DLG2: variants seen among roughly 807,000 people sequenced by gnomAD.
DLG2 encodes the protein discs large MAGUK scaffold protein 2, also known as disks large homolog 2.
Under a neutral mutation model 132.5 loss-of-function variants are expected in DLG2, and 45 were observed. The ratio of observed to expected loss-of-function variants is 0.34; its 90% CI spans 0.27 to 0.44. The LOEUF is 0.44. Among genes scored for constraint, DLG2 ranks in the 20% least tolerant of loss-of-function variants. The pLI is 1.00. For missense variants in DLG2, 1,045 were observed against 1,196.9 expected, an observed-to-expected ratio of 0.87 and a Z score of 1.87; for synonymous variants, 424 against 419.6, an observed-to-expected ratio of 1.01 and a Z score of -0.13.
chr11:83,800,243 T>C (rs954356597), intron 17 of DLG2, among the ~76,000 whole-genome samples: 1 of 152,148 alleles, frequency 6.6e-6, no homozygotes, highest in African/African-American at 2.4e-5. Flanking sequence ...AGCCCCTTCA[T>C]CTCTCTGGGC....
intron 16 of DLG2, among the ~76,000 whole-genome samples, chr11:83,837,723 CAAAAAA>C (rs386374350): frequency 1.7e-4 from 8 of 45,946 alleles, no homozygotes; most frequent in African/African-American, 2.9e-4. Context: ...ACATAGCAAG[CAAAAAA>C]AAAAAAAAAA....
chr11:85,073,745 A>G (rs2066170370), intron 6 of DLG2, among the ~76,000 whole-genome samples: 1 of 151,894 alleles, frequency 6.6e-6, no homozygotes, highest in African/African-American at 2.4e-5. Context: ...CAATCCCACT[A>G]TTGGGCATAT....
At chr11:84,159,286 C>T (rs568785156) in intron 9 of DLG2, among the ~76,000 whole-genome samples, 46 of 152,118 alleles carry the variant, frequency 3.0e-4, no homozygotes, top group South Asian at 1.2e-3. Flanking sequence ...AAATAATATA[C>T]ATTTCAGATA....
At chr11:85,254,816 T>C (rs535829062) in intron 4 of DLG2, among the ~76,000 whole-genome samples, 1 of 152,072 alleles carries the variant, frequency 6.6e-6, no homozygotes, top group African/African-American at 2.4e-5. Context: ...CTGGCTAACA[T>C]GGTGAAACCC....
At chr11:84,962,715 AGTCATCT>A (rs2154109793) in intron 6 of DLG2, among the ~76,000 whole-genome samples, 1 of 152,334 alleles carries the variant, frequency 6.6e-6, no homozygotes, top group African/African-American at 2.4e-5. Flanking sequence ...AATATCTTAG[AGTCATCT>A]GTTTCAACAC....
chr11:85,173,853 C>A (rs1383715757), intron 4 of DLG2, among the ~76,000 whole-genome samples: 2 of 151,962 alleles, frequency 1.3e-5, no homozygotes, highest in East Asian at 3.9e-4. Context: ...TTTAAACCAA[C>A]AAAGATCAAA....
intron 6 of DLG2, among the ~76,000 whole-genome samples, chr11:84,713,177 G>A (rs996888504): frequency 9.9e-5 from 15 of 152,064 alleles, no homozygotes; most frequent in Non-Finnish European, 1.8e-4. Context: ...CTATTTGAAA[G>A]AGTACAAAAT....
chr11:85,130,127 G>C (rs2075554856), intron 5 of DLG2, among the ~76,000 whole-genome samples: 1 of 152,110 alleles, frequency 6.6e-6, no homozygotes, highest in African/African-American at 2.4e-5. Flanking sequence ...GATGGGTGTA[G>C]CAAACCACCA....
intron 19 of DLG2, among the ~76,000 whole-genome samples, chr11:83,560,510 G>A (rs977353500): frequency 2.0e-5 from 3 of 151,882 alleles, no homozygotes; most frequent in African/African-American, 4.8e-5. Context: ...GTTAATGTGA[G>A]CTTGTGTTGG....
chr11:85,449,406 ATTTTC>A (rs1173648639), intron 3 of DLG2, among the ~76,000 whole-genome samples: 1 of 151,608 alleles, frequency 6.6e-6, no homozygotes, highest in Admixed American at 6.6e-5. Flanking sequence ...TTAATTTATA[ATTTTC>A]TTTTGTATAA....
intron 7 of DLG2, among the ~76,000 whole-genome samples, chr11:84,298,705 G>C (rs888632403): frequency 6.6e-6 from 1 of 152,118 alleles, no homozygotes; most frequent in Non-Finnish European, 1.5e-5. Flanking sequence ...CCTCAAATAA[G>C]ATAACATTAG....
chr11:85,117,216 G>A (rs2073736728), intron 5 of DLG2, among the ~76,000 whole-genome samples: 1 of 151,992 alleles, frequency 6.6e-6, no homozygotes, highest in Admixed American at 6.6e-5. Context: ...CACATCATAG[G>A]AGATTTAGGC....
At chr11:85,301,105 G>T (rs534970168) in intron 3 of DLG2, among the ~76,000 whole-genome samples, 217 of 152,246 alleles carry the variant, frequency 1.4e-3, no homozygotes, top group Middle Eastern at 3.4e-3. Context: ...GCAGGCTAAG[G>T]TAGGAGACTT....
At position 84,928,336 on chromosome 11, in the gene DLG2, T is replaced by C. The variant is rs547918200; in HGVS notation, c.357+183325A>G. Reference sequence around the variant, plus strand: ...CTTGCACTTGCCAGCTGTGTGACCTTGGGTAAGTTACATAACTTCTCTCTG... The same window carrying C: ...CTTGCACTTGCCAGCTGTGTGACCTCGGGTAAGTTACATAACTTCTCTCTG... On this transcript the variant is annotated intron_variant, in intron 6 of 27. Coordinates refer to ENST00000376104, the MANE Select transcript of DLG2 (RefSeq NM_001142699.3). Among the ~76,000 whole-genome samples, 6 of 152,074 alleles carry C rather than the reference T, an allele frequency of 3.9e-5. No homozygotes were observed. The South Asian group carries it at 1.0e-3, about 26-fold the overall frequency.
chr11:83,651,458 T>C (rs1378023914), intron 18 of DLG2: 1 of 165,622 alleles, frequency 6.0e-6, no homozygotes, highest in Non-Finnish European at 1.3e-5. Flanking sequence ...CCCATTCTCT[T>C]CACAATAAAT....
rs767679311 is a variant in DLG2, at chr11:84,098,319, G to A, written c.749+604C>T. The stretch of plus-strand genomic sequence containing the variant: ...CTCTCAAAGTGCTGGGATTATAGGC[G>A]TGAGCCACTGAGCCAGGCCATCCTG... On this transcript the variant is annotated intron_variant, in intron 10 of 27. Transcript: ENST00000376104. Among the ~76,000 whole-genome samples, 10 of 152,106 alleles carry A rather than the reference G, an allele frequency of 6.6e-5. No individual in the cohort carries two copies. The South Asian group carries it at 8.3e-4, about 13-fold the overall frequency.
intron 6 of DLG2, among the ~76,000 whole-genome samples, chr11:84,843,651 A>C (rs2080996185): frequency 6.6e-6 from 1 of 151,898 alleles, no homozygotes. Flanking sequence ...ACATCCTCTC[A>C]TATACTTTAA....
At chr11:85,533,094 GCTCA>G (rs2075327618) in intron 3 of DLG2, among the ~76,000 whole-genome samples, 1 of 152,128 alleles carries the variant, frequency 6.6e-6, no homozygotes, top group African/African-American at 2.4e-5. Context: ...CATGATCTCA[GCTCA>G]CTGCAACCTC....
intron 7 of DLG2, among the ~76,000 whole-genome samples, chr11:84,300,479 A>G: frequency 6.6e-6 from 1 of 152,232 alleles, no homozygotes; most frequent in Non-Finnish European, 1.5e-5. Flanking sequence ...ACCCTGCTAT[A>G]TTTAGGATAG....
Sources: allele counts gnomAD v4.1 joint callset (sites outside exome capture counted in the v4.1 genomes callset), GRCh38; gene constraint gnomAD v4.1.1; transcripts MANE v1.5; gene names NCBI Gene and HGNC (gene_info 2026-07-23, HGNC 2026-07-21).